The following LMO7 variants were observed in gnomAD, a reference collection of about 807,000 sequenced individuals.
LMO7 encodes LIM domain 7, also known as LIM domain only protein 7.
Under a neutral mutation model 206.5 loss-of-function variants are expected in LMO7, and 120 were observed. The observed-to-expected ratio is 0.58, with a 90% CI of 0.50 to 0.68. The LOEUF (loss-of-function observed/expected upper bound fraction) is 0.68, where lower values mean the gene tolerates loss of function less well. Among genes scored for constraint, LMO7 ranks in the 30% least tolerant of loss-of-function variants. The pLI, the probability that LMO7 is intolerant of heterozygous loss-of-function variation, is 0.00. For synonymous variants in LMO7, 706 were observed against 681.5 expected, an observed-to-expected ratio of 1.04 and a Z score of -0.56; for missense variants, 1,959 against 1,957.9, an observed-to-expected ratio of 1.00 and a Z score of -0.01.
chr13:75,698,034 C>A (rs567885276), intron 1 of LMO7, among the ~76,000 whole-genome samples: 1 of 152,072 alleles, frequency 6.6e-6, no homozygotes, highest in Admixed American at 6.5e-5. Context: ...TGATATCTTT[C>A]GTGTGTTTTC....
At chr13:75,669,827 G>T (rs534024399) in intron 1 of LMO7, among the ~76,000 whole-genome samples, 1 of 152,100 alleles carries the variant, frequency 6.6e-6, no homozygotes, top group South Asian at 2.1e-4. Context: ...AGCTTTTATT[G>T]TTACTCTGCA....
At chr13:75,622,570 T>C (rs528266735) in intron 1 of LMO7, among the ~76,000 whole-genome samples, 2 of 152,224 alleles carry the variant, frequency 1.3e-5, no homozygotes, top group Non-Finnish European at 2.9e-5. Flanking sequence ...TTAAGTACTT[T>C]AAGAACTATA....
At chr13:75,797,495 G>C (rs974139767) in intron 6 of LMO7, among the ~76,000 whole-genome samples, 1 of 152,152 alleles carries the variant, frequency 6.6e-6, no homozygotes, top group Non-Finnish European at 1.5e-5. Flanking sequence ...ACTCAGAAGA[G>C]CCCTTTTGTG....
At chr13:75,841,392 A>ATAG (rs914637459) in intron 23 of LMO7, among the ~76,000 whole-genome samples, 191 bp downstream of exon 23, 3 of 152,168 alleles carry the variant, frequency 2.0e-5, no homozygotes, top group Admixed American at 1.3e-4. Flanking sequence ...CCTAGTTTTT[A>ATAG]TAGTACATCA....
intron 3 of LMO7, among the ~76,000 whole-genome samples, chr13:75,736,146 T>C (rs1468692998): frequency 6.6e-6 from 1 of 152,252 alleles, no homozygotes; most frequent in Non-Finnish European, 1.5e-5. Flanking sequence ...TATTTCAAGC[T>C]TCAGAAATTC....
intron 3 of LMO7, among the ~76,000 whole-genome samples, chr13:75,754,458 T>C (rs1383632312): frequency 3.3e-5 from 5 of 152,232 alleles, no homozygotes; most frequent in Non-Finnish European, 5.9e-5. Flanking sequence ...TGCACATGCA[T>C]GTACATGTAA....
At chr13:75,676,631 G>C (rs2040039792) in intron 1 of LMO7, among the ~76,000 whole-genome samples, 1 of 152,160 alleles carries the variant, frequency 6.6e-6, no homozygotes, top group Non-Finnish European at 1.5e-5. Flanking sequence ...ATTATTTAAT[G>C]CATTCCATAG....
Position 75,855,277 on chromosome 13 carries a change from G to T in LMO7, c.4679G>T (p.Arg1560Leu), listed in dbSNP as rs144929980. Reference protein sequence around the residue: ...QLRNRSVSGKRICSYCNNILG... With the variant: ...QLRNRSVSGKLICSYCNNILG... ...GCATCTAGGTCAGTCAGTGGGAAGC[G>T]CATATGCTCCTACTGCAATAACATT... The change falls in exon 29 of 31, where the codon CGC becomes CTC. Residue 1560 changes from arginine (R) to leucine (L), a missense_variant. Coordinates refer to ENST00000377534, the MANE Select transcript of LMO7 (RefSeq NM_001306080.2). The T allele has an allele frequency of 5.0e-6, 8 of 1,611,742 alleles. No homozygotes were observed. Among genetic ancestry groups the T allele is most frequent in the Admixed American group, 1.7e-5 (1 of 59,978 alleles).
Position 75,849,220 on chromosome 13 carries a change from A to G in LMO7, c.4292A>G (p.Asp1431Gly), listed in dbSNP as rs1184616153. 6.2e-7 allele frequency: 1 copy of G among 1,614,062 alleles called. No homozygotes were observed. The highest frequency in any genetic ancestry group is 8.5e-7 in the Non-Finnish European group (1 of 1,180,018). Residue 1431 changes from aspartate to glycine, a missense_variant, in exon 27 of 31, where the codon GAC becomes GGC. Physicochemically the swap from Asp to Gly is moderately conservative, Grantham distance 94. Transcript: ENST00000377534. ...AGGAAGAGAACACCCCTTCACAATG[A>G]CAACAGCTGGATCCGACAGCGCAGT... is the stretch of plus-strand genomic sequence containing the variant. Reference protein sequence around the residue: ...EMRKRTPLHNDNSWIRQRSAS... With the variant: ...EMRKRTPLHNGNSWIRQRSAS...
At chr13:75,734,102 C>T (rs1261043394) in intron 3 of LMO7, among the ~76,000 whole-genome samples, 1 of 152,182 alleles carries the variant, frequency 6.6e-6, no homozygotes, top group East Asian at 1.9e-4. Context: ...TGTGAGGTTG[C>T]ACAAGTCTCT....
intron 1 of LMO7, among the ~76,000 whole-genome samples, chr13:75,696,535 G>A (rs140316839): frequency 5.8e-4 from 89 of 152,246 alleles, no homozygotes; most frequent in African/African-American, 2.1e-3. Flanking sequence ...GGTCTCTCAG[G>A]TTCTTTCCAC....
In LMO7 at chr13:75,791,007, T is replaced by A. The variant is rs9544044; in HGVS notation, c.318-4394T>A. 3.8e-3 allele frequency among the ~76,000 whole-genome samples: 570 copies of A among 149,914 alleles called. 7 individuals are homozygous for A. The highest frequency in any genetic ancestry group is 0.013 in the African/African-American group (547 of 40,614). On this transcript the variant is annotated intron_variant, in intron 4 of 30. Transcript: ENST00000377534. Reference sequence around the variant, plus strand: ...CCTTTTTTTTTTTTGGATGGAGTCTTGCTCTGTCGCCCAGGCTGGAGTGCA... The same window carrying A: ...CCTTTTTTTTTTTTGGATGGAGTCTAGCTCTGTCGCCCAGGCTGGAGTGCA...
chr13:75,731,236 G>C (rs1468960084), intron 3 of LMO7, among the ~76,000 whole-genome samples: 2 of 152,266 alleles, frequency 1.3e-5, no homozygotes, highest in Middle Eastern at 3.4e-3. Flanking sequence ...GGGTGTTAAA[G>C]TCTCCCATTA....
chr13:75,726,351 A>G (rs1382859633), intron 2 of LMO7, among the ~76,000 whole-genome samples: 7 of 152,072 alleles, frequency 4.6e-5, no homozygotes, highest in Non-Finnish European at 2.9e-5. Context: ...TAGAGTTGGC[A>G]GACATAGATA....
intron 4 of LMO7, among the ~76,000 whole-genome samples, chr13:75,767,927 G>T (rs2049110942): frequency 6.6e-6 from 1 of 152,018 alleles, no homozygotes; most frequent in Non-Finnish European, 1.5e-5. Context: ...TTTATTGCTT[G>T]CTCTGTGTCA....
chr13:75,855,071 G>A, intron 28 of LMO7, 189 bp from the exon 29 acceptor site: 1 of 516,418 alleles, frequency 1.9e-6, no homozygotes, highest in Non-Finnish European at 3.5e-6. Context: ...GAGCTGCCAT[G>A]GAGATGGTTC....
In LMO7 at chr13:75,807,655, T is replaced by TC; in HGVS notation, c.1372_1373insC (p.Leu458SerfsTer4). On this transcript the variant is annotated frameshift_variant, in exon 10 of 31. Transcript: ENST00000377534. LOFTEE classifies it high-confidence loss of function. ...CGAGATGGCAGCCCTGGATCCTGAC[T>TC]TAGAGAATGATGATTTCTTTGTCAG... The TC allele has an allele frequency of 6.2e-7, 1 of 1,614,016 alleles. No individual in the cohort carries two copies. The highest frequency in any genetic ancestry group is 8.5e-7 in the Non-Finnish European group (1 of 1,179,892).
chr13:75,649,559 T>G (rs2037365949), intron 1 of LMO7, among the ~76,000 whole-genome samples: 1 of 152,108 alleles, frequency 6.6e-6, no homozygotes, highest in Non-Finnish European at 1.5e-5. Context: ...AGTATAGATT[T>G]GGAGTGTTGG....
intron 1 of LMO7, among the ~76,000 whole-genome samples, chr13:75,672,092 A>G (rs750011153): frequency 1.3e-5 from 2 of 152,068 alleles, no homozygotes; most frequent in Non-Finnish European, 2.9e-5. Context: ...ACATCCCTGG[A>G]TGTTCAAGTT....
Sources: allele counts gnomAD v4.1 joint callset (sites outside exome capture counted in the v4.1 genomes callset), GRCh38; gene constraint gnomAD v4.1.1; transcripts MANE v1.5; gene names NCBI Gene and HGNC (gene_info 2026-07-23, HGNC 2026-07-21).